Variants in DNAH9 observed in about 807,000 individuals in gnomAD.
The protein encoded by DNAH9 is DNAH9 variant protein.
A neutral mutation model predicts 471.6 loss-of-function variants in DNAH9; 345 were observed. The ratio of observed to expected loss-of-function variants is 0.73; its 90% CI spans 0.67 to 0.80. The LOEUF is 0.80. DNAH9 is among the 30% of genes least tolerant of loss of function. DNAH9 has a pLI of 0.00. For synonymous variants in DNAH9, 2,093 were observed against 2,123.6 expected (o/e 0.99, Z 0.40); for missense variants, 5,407 against 5,609.2 (o/e 0.96, Z 1.15).
rs1362729416 is a variant in DNAH9, at chr17:11,632,655, C to G, written c.1587C>G (p.Ile529Met). ...VEDLDRRLGT[I>M]FIQAFDDAPG... ...ATCTTGACCGAAGATTGGGGACTAT[C>G]TTTATTCAAGCTTTTGATGATGCAC... The change falls in exon 8 of 69, where the codon ATC becomes ATG. Residue 529 changes from isoleucine (I) to methionine (M), a missense_variant. This residue lies in a region of DNAH9 where 767 missense variants were observed against 692.5 expected (regional missense o/e 1.11). Transcript: ENST00000262442. 2 of 1,611,712 alleles carry G rather than the reference C, an allele frequency of 1.2e-6. No individual in the cohort carries two copies. The highest frequency in any genetic ancestry group is 1.7e-6 in the Non-Finnish European group (2 of 1,177,904).
rs1211037144 is a variant in DNAH9, at chr17:11,905,663, A to C, written c.11603A>C (p.Asp3868Ala). The change falls in exon 61 of 69, where the codon GAT (aspartate) becomes GCT (alanine). Residue 3868 changes from aspartate (D) to alanine (A), a missense_variant and splice_region_variant. Asp to Ala is a moderately radical substitution (Grantham distance 126). Around this residue, in one of 3 missense-constraint regions of DNAH9, gnomAD observed 4,636 missense variants for 4,900.3 expected, o/e 0.95. Coordinates refer to ENST00000262442, the MANE Select transcript of DNAH9 (RefSeq NM_001372.4). ...TATATGTGCTTTTTTTCTGGCAGAG[A>C]TTTTGTTGAAGAGAAGTTAGGAAGC... is the stretch of plus-strand genomic sequence containing the variant. ...RPDRMTYALR[D>A]FVEEKLGSKY... The C allele has an allele frequency of 2.5e-6, 4 of 1,612,262 alleles. No homozygotes were observed. Among genetic ancestry groups the C allele is most frequent in the Non-Finnish European group, 3.4e-6 (4 of 1,179,530 alleles).
At position 11,797,720 on chromosome 17, in the gene DNAH9, G is replaced by A. The variant is rs780190335; in HGVS notation, c.8347G>A (p.Glu2783Lys). ...GGAACTTTTGACCCAGACTCTGGTG[G>A]AGGCCTTGGAGAACCACAATGAAGT... is the stretch of plus-strand genomic sequence containing the variant. Reference protein sequence around the residue: ...SWELLTQTLVEALENHNEVNT... With the variant: ...SWELLTQTLVKALENHNEVNT... The change falls in exon 43 of 69, where the codon GAG becomes AAG. Residue 2783 changes from glutamate to lysine, a missense_variant. By Grantham distance (56) the Glu-to-Lys change is moderately conservative. Transcript: ENST00000262442. 2.5e-6 allele frequency: 4 copies of A among 1,614,208 alleles called. No individual in the cohort carries two copies. The highest frequency in any genetic ancestry group is 3.4e-6 in the Non-Finnish European group (4 of 1,180,040).
intron 20 of DNAH9, among the ~76,000 whole-genome samples, chr17:11,692,746 TATC>T (rs1490337246): frequency 6.6e-6 from 1 of 152,134 alleles, no homozygotes; most frequent in Non-Finnish European, 1.5e-5. Context: ...TGACATGTGA[TATC>T]ATAATAAATT....
intron 48 of DNAH9, among the ~76,000 whole-genome samples, chr17:11,827,343 A>G (rs1409543079): frequency 6.6e-6 from 1 of 152,224 alleles, no homozygotes; most frequent in Admixed American, 6.5e-5. Flanking sequence ...TTGCACTGGC[A>G]TCTGCATGGC....
In DNAH9 at chr17:11,678,219, G is replaced by A. The variant is rs78468087; in HGVS notation, c.3354-1538G>A. On this transcript the variant is annotated intron_variant, in intron 17 of 68. Coordinates refer to ENST00000262442, the MANE Select transcript of DNAH9 (RefSeq NM_001372.4). Reference sequence around the variant, plus strand: ...ACTACAGGCACAGGCCACCATGCCTGGCTAGTTTTTGTATTTTTAGTAGAG... The same window carrying A: ...ACTACAGGCACAGGCCACCATGCCTAGCTAGTTTTTGTATTTTTAGTAGAG... 1.1e-3 allele frequency among the ~76,000 whole-genome samples: 169 copies of A among 152,084 alleles called. 2 individuals carry two copies. In the East Asian group the frequency reaches 0.029, roughly 26 times the overall value.
chr17:11,895,433 A>G (rs1307029321), intron 59 of DNAH9, among the ~76,000 whole-genome samples: 1 of 152,252 alleles, frequency 6.6e-6, no homozygotes, highest in Non-Finnish European at 1.5e-5. Flanking sequence ...ACAAAGAAGT[A>G]TAAGAGTAAA....
chr17:11,786,694 A>G (rs766712700), intron 41 of DNAH9, among the ~76,000 whole-genome samples: 1 of 152,240 alleles, frequency 6.6e-6, no homozygotes, highest in African/African-American at 2.4e-5. Flanking sequence ...AATGTTCAGC[A>G]CTGCTGTGGA....
At chr17:11,804,756 C>T (rs1969602589) in intron 43 of DNAH9, among the ~76,000 whole-genome samples, 2 of 151,992 alleles carry the variant, frequency 1.3e-5, no homozygotes, top group African/African-American at 4.8e-5. Context: ...CACCTGTAGT[C>T]CCAGCTACTC....
intron 35 of DNAH9, among the ~76,000 whole-genome samples, chr17:11,761,304 G>A (rs1479561544): frequency 5.9e-5 from 9 of 152,174 alleles, no homozygotes; most frequent in East Asian, 3.9e-4. Flanking sequence ...GGAAAGAGGC[G>A]TGTTTTTGAC....
chr17:11,768,370 CCTT>C (rs1968055868), intron 36 of DNAH9, 80 bp from the exon 37 acceptor site: 7 of 1,407,784 alleles, frequency 5.0e-6, no homozygotes, highest in Non-Finnish European at 6.9e-6. Flanking sequence ...CCTGCCCTGA[CCTT>C]CTATCTGACG....
intron 61 of DNAH9, among the ~76,000 whole-genome samples, chr17:11,910,305 T>TAC (rs1973751138): frequency 6.6e-6 from 1 of 152,158 alleles, no homozygotes; most frequent in Non-Finnish European, 1.5e-5. Context: ...TGAAATCATA[T>TAC]ACAATATGCT....
intron 41 of DNAH9, among the ~76,000 whole-genome samples, chr17:11,788,733 T>G (rs556060557): frequency 6.6e-6 from 1 of 152,330 alleles, no homozygotes; most frequent in South Asian, 2.1e-4. Context: ...TTTTTAGTTC[T>G]TTTTCTTGTC....
intron 1 of DNAH9, among the ~76,000 whole-genome samples, chr17:11,603,829 T>C (rs1393701950): frequency 6.6e-6 from 1 of 152,314 alleles, no homozygotes; most frequent in South Asian, 2.1e-4. Flanking sequence ...ATGTTTCTGA[T>C]GATCTCCACT....
intron 52 of DNAH9, among the ~76,000 whole-genome samples, chr17:11,874,467 C>T (rs1972398657): frequency 6.6e-6 from 1 of 152,086 alleles, no homozygotes. Flanking sequence ...AAAACCCGTC[C>T]AGCCTCTTGC....
chr17:11,646,930 A>AGAAT, intron 11 of DNAH9, 142 bp from the exon 12 acceptor site: 1 of 666,688 alleles, frequency 1.5e-6, no homozygotes, highest in Non-Finnish European at 2.4e-6. Flanking sequence ...AAAGAAAGAA[A>AGAAT]TTTGTGGTTA....
chr17:11,855,636 C>T (rs1690855078), intron 50 of DNAH9, among the ~76,000 whole-genome samples: 5 of 152,146 alleles, frequency 3.3e-5, no homozygotes, highest in Admixed American at 3.3e-4. Context: ...TCCTGTGACT[C>T]GAGACCTATA....
intron 50 of DNAH9, among the ~76,000 whole-genome samples, chr17:11,868,326 A>G (rs184589248): frequency 6.6e-6 from 1 of 152,260 alleles, no homozygotes; most frequent in East Asian, 1.9e-4. Flanking sequence ...AATGACCAAC[A>G]AAGCAGCCTG....
At chr17:11,762,925 G>A (rs1967774248) in intron 35 of DNAH9, among the ~76,000 whole-genome samples, 1 of 151,552 alleles carries the variant, frequency 6.6e-6, no homozygotes, top group Admixed American at 6.6e-5. Flanking sequence ...GAGTACAGGT[G>A]CCCGCCACCG....
At chr17:11,669,913 C>A in intron 17 of DNAH9, 119 bp downstream of exon 17, 1 of 888,838 alleles carries the variant, frequency 1.1e-6, no homozygotes, top group Non-Finnish European at 1.7e-6. Flanking sequence ...ATTAAGACAG[C>A]TGGTTAGAGG....
Sources: allele counts gnomAD v4.1 joint callset (sites outside exome capture counted in the v4.1 genomes callset), GRCh38; gene constraint gnomAD v4.1.1; regional missense constraint gnomAD v4.1.1; transcripts MANE v1.5; gene names NCBI Gene and HGNC (gene_info 2026-07-23, HGNC 2026-07-21).